The following TXNRD1 variants were observed in gnomAD, a reference collection of about 807,000 sequenced individuals.
TXNRD1 encodes thioredoxin reductase 1, cytoplasmic.
A neutral mutation model predicts 80.3 loss-of-function variants in TXNRD1; 57 were observed. The observed-to-expected ratio is 0.71, with a 90% CI of 0.57 to 0.89. The LOEUF (loss-of-function observed/expected upper bound fraction) is 0.89. TXNRD1 is among the 40% of genes least tolerant of loss of function. TXNRD1 has a pLI of 0.00. For missense variants in TXNRD1, 730 were observed against 803.0 expected (o/e 0.91, Z 1.10); for synonymous variants, 291 against 285.2 (o/e 1.02, Z -0.20).
At chr12:104,267,174 A>AT (rs1245837358) in intron 3 of TXNRD1, among the ~76,000 whole-genome samples, 1 of 90,380 alleles carries the variant, frequency 1.1e-5, no homozygotes, top group Non-Finnish European at 2.3e-5. Flanking sequence ...TCAAAAAAAA[A>AT]AAAAAATAAT....
chr12:104,271,973 A>C (rs1201630610), intron 3 of TXNRD1, among the ~76,000 whole-genome samples: 1 of 152,174 alleles, frequency 6.6e-6, no homozygotes, highest in Non-Finnish European at 1.5e-5. Context: ...CTGTAATCCC[A>C]GTGGCCAACA....
intron 3 of TXNRD1, among the ~76,000 whole-genome samples, chr12:104,271,923 G>C (rs1248576914): frequency 6.6e-6 from 1 of 151,526 alleles, no homozygotes; most frequent in Non-Finnish European, 1.5e-5. Flanking sequence ...CTTTAAGAAA[G>C]AGCAAATAAG....
At chr12:104,234,903 A>T (rs1379970119) in intron 1 of TXNRD1, among the ~76,000 whole-genome samples, 1 of 151,938 alleles carries the variant, frequency 6.6e-6, no homozygotes, top group Admixed American at 6.6e-5. Context: ...CTCAATTGGA[A>T]CTCCTTTCTA....
intron 4 of TXNRD1, among the ~76,000 whole-genome samples, chr12:104,297,992 T>TTA (rs1351845494): frequency 1.3e-5 from 2 of 152,218 alleles, no homozygotes; most frequent in Non-Finnish European, 1.5e-5. Context: ...CACTGGGTTT[T>TTA]TAAAGTGTCA....
intron 1 of TXNRD1, among the ~76,000 whole-genome samples, chr12:104,250,401 C>A (rs920957151): frequency 1.3e-5 from 2 of 152,172 alleles, no homozygotes; most frequent in Non-Finnish European, 2.9e-5. Context: ...ATAAATTTGA[C>A]TTGATCAAAA....
intron 3 of TXNRD1, among the ~76,000 whole-genome samples, chr12:104,267,181 TA>T (rs990107222): frequency 1.4e-4 from 18 of 125,816 alleles, no homozygotes; most frequent in African/African-American, 4.8e-4. Flanking sequence ...AAAAAAAAAA[TA>T]ATATAATAAT....
chr12:104,335,127 A>T (rs938208831), intron 15 of TXNRD1, among the ~76,000 whole-genome samples: 2 of 151,778 alleles, frequency 1.3e-5, no homozygotes, highest in Non-Finnish European at 2.9e-5. Context: ...CCTCCCACAG[A>T]TATACTTTAT....
intron 10 of TXNRD1, among the ~76,000 whole-genome samples, chr12:104,324,698 C>T (rs958818227): frequency 6.6e-6 from 1 of 152,114 alleles, no homozygotes; most frequent in Non-Finnish European, 1.5e-5. Flanking sequence ...TTGTTGTTGA[C>T]ATCTATTTGT....
At chr12:104,302,936 A>G (rs1442738712) in intron 4 of TXNRD1, among the ~76,000 whole-genome samples, 1 of 152,218 alleles carries the variant, frequency 6.6e-6, no homozygotes. Context: ...TTACAGATTA[A>G]GCTTTCATAT....
intron 4 of TXNRD1, among the ~76,000 whole-genome samples, chr12:104,309,326 A>G (rs888892240): frequency 2.6e-5 from 4 of 152,196 alleles, no homozygotes; most frequent in African/African-American, 7.2e-5. Flanking sequence ...AAATCTGTGC[A>G]CTGGTTGATA....
intron 10 of TXNRD1, among the ~76,000 whole-genome samples, chr12:104,324,081 A>G (rs2035665008): frequency 1.3e-5 from 2 of 152,162 alleles, no homozygotes; most frequent in African/African-American, 4.8e-5. Context: ...TGTTCTAGAT[A>G]CCAAAAAGGC....
chr12:104,247,127 G>T (rs1465044048), intron 1 of TXNRD1, among the ~76,000 whole-genome samples: 1 of 151,882 alleles, frequency 6.6e-6, no homozygotes, highest in Non-Finnish European at 1.5e-5. Context: ...CAGTGCAATG[G>T]CGCAACCTCA....
chr12:104,347,633 T>G (rs1350385398), intron 16 of TXNRD1, among the ~76,000 whole-genome samples: 1 of 152,176 alleles, frequency 6.6e-6, no homozygotes, highest in Non-Finnish European at 1.5e-5. Flanking sequence ...CACAGCATCG[T>G]ATTGCAAAGA....
At chr12:104,285,038 G>A (rs2033943071) in intron 3 of TXNRD1, among the ~76,000 whole-genome samples, 1 of 152,076 alleles carries the variant, frequency 6.6e-6, no homozygotes, top group Non-Finnish European at 1.5e-5. Context: ...AGCCAGGTGT[G>A]GTGGTGCATG....
intron 3 of TXNRD1, among the ~76,000 whole-genome samples, chr12:104,266,739 G>A (rs2033497365): frequency 6.6e-6 from 1 of 152,000 alleles, no homozygotes; most frequent in East Asian, 1.9e-4. Flanking sequence ...CGAGGCGAGC[G>A]GATCACGAGG....
intron 1 of TXNRD1, chr12:104,224,764 T>G: frequency 2.2e-6 from 1 of 451,214 alleles, no homozygotes. Context: ...CAAATATAGT[T>G]GTGTCAAGTT....
intron 4 of TXNRD1, among the ~76,000 whole-genome samples, chr12:104,300,701 C>T (rs1204175225): frequency 4.6e-5 from 7 of 152,016 alleles, no homozygotes; most frequent in Admixed American, 3.3e-4. Flanking sequence ...GGCGGGGTTT[C>T]GCTCTTGTTG....
Position 104,311,333 on chromosome 12 carries a change from GC to G in TXNRD1, c.461del (p.Pro154LeufsTer35). ...GRLQKLLKMNGPEDLPKSYDY... is the reference protein window; with the variant it reads ...GRLQKLLKMNXPEDLPKSYDY... ...CTTCAAAAGCTACTAAAAATGAACGGCCCTGAAGATCTTCCCAAGTCCTATG... is the reference window on the plus strand; with the variant it reads ...CTTCAAAAGCTACTAAAAATGAACGGCCTGAAGATCTTCCCAAGTCCTATG... On this transcript the variant is annotated frameshift_variant, in exon 5 of 17. Coordinates refer to ENST00000525566, the MANE Select transcript of TXNRD1 (RefSeq NM_001093771.3). LOFTEE classifies it high-confidence loss of function. The G allele has an allele frequency of 6.2e-7, 1 of 1,611,538 alleles. No homozygotes were observed. Among genetic ancestry groups the G allele is most frequent in the Non-Finnish European group, 8.5e-7 (1 of 1,178,734 alleles).
intron 1 of TXNRD1, among the ~76,000 whole-genome samples, chr12:104,249,935 C>CA (rs59924751): frequency 0.57 from 57,943 of 102,366 alleles, 16,851 homozygotes; most frequent in East Asian, 0.86. Context: ...GACGCCGTCT[C>CA]AAAAAAAAAA....
Sources: gnomAD v4.1 joint callset for allele counts (sites outside exome capture counted in the v4.1 genomes callset) on GRCh38, gnomAD v4.1.1 for gene constraint, MANE v1.5 for transcripts, NCBI Gene and HGNC (gene_info 2026-07-23, HGNC 2026-07-21) for gene names.